Variants in MAPRE2 observed in about 807,000 individuals in gnomAD.
MAPRE2 encodes microtubule-associated protein RP/EB family member 2.
Under a neutral mutation model 43.2 loss-of-function variants are expected in MAPRE2, and 13 were observed. The ratio of observed to expected loss-of-function variants is 0.30; its 90% CI spans 0.20 to 0.48. MAPRE2 has a LOEUF of 0.48. MAPRE2 is among the 20% of genes least tolerant of loss of function. The pLI is 0.99. For synonymous variants in MAPRE2, 135 were observed against 148.8 expected (o/e 0.91, Z 0.68); for missense variants, 161 against 400.2 (o/e 0.40, Z 5.10).
At chr18:35,034,119 A>C (rs2097049252) in intron 2 of MAPRE2, among the ~76,000 whole-genome samples, 2 of 152,128 alleles carry the variant, frequency 1.3e-5, no homozygotes, top group Non-Finnish European at 2.9e-5. Flanking sequence ...ACTATACTAC[A>C]AGGCTACAGT....
intron 3 of MAPRE2, 81 bp downstream of exon 3, chr18:35,097,672 T>TAC: frequency 7.9e-7 from 1 of 1,267,494 alleles, no homozygotes; most frequent in Non-Finnish European, 1.1e-6. Context: ...TCCAGGAGCA[T>TAC]ACCAATGGGA....
At chr18:34,990,652 T>C (rs2097023295) in intron 1 of MAPRE2, among the ~76,000 whole-genome samples, 1 of 152,154 alleles carries the variant, frequency 6.6e-6, no homozygotes, top group Non-Finnish European at 1.5e-5. Flanking sequence ...CCTAGGGAAT[T>C]TTTTTAGATG....
chr18:35,002,312 T>G (rs2097029755), intron 1 of MAPRE2, among the ~76,000 whole-genome samples: 1 of 152,240 alleles, frequency 6.6e-6, no homozygotes, highest in African/African-American at 2.4e-5. Context: ...GAAGTTTGGA[T>G]GCAGCACGGT....
chr18:35,130,947 C>G (rs1428465201), intron 5 of MAPRE2, among the ~76,000 whole-genome samples: 1 of 152,158 alleles, frequency 6.6e-6, no homozygotes, highest in Non-Finnish European at 1.5e-5. Context: ...CCCTGAGAAG[C>G]TGCACAACCC....
At chr18:35,018,691 T>C (rs914177279) in intron 2 of MAPRE2, among the ~76,000 whole-genome samples, 11 of 151,918 alleles carry the variant, frequency 7.2e-5, no homozygotes, top group Non-Finnish European at 1.6e-4. Context: ...TCACTTCCAA[T>C]TGTACTTATT....
intron 4 of MAPRE2, among the ~76,000 whole-genome samples, chr18:35,126,307 A>G (rs1279537537): frequency 6.6e-6 from 1 of 152,170 alleles, no homozygotes; most frequent in African/African-American, 2.4e-5. Context: ...ATCCTGGAGC[A>G]CCTCCTTGCT....
intron 1 of MAPRE2, among the ~76,000 whole-genome samples, chr18:34,982,999 T>A (rs959458440): frequency 2.6e-5 from 4 of 152,238 alleles, no homozygotes; most frequent in Non-Finnish European, 5.9e-5. Context: ...TGTCTATGGC[T>A]GTGGCAGCAT....
chr18:35,112,458 A>C (rs1272909932), intron 4 of MAPRE2, among the ~76,000 whole-genome samples: 1 of 152,154 alleles, frequency 6.6e-6, no homozygotes, highest in African/African-American at 2.4e-5. Context: ...GGCGTGAGCT[A>C]CCACACCCGG....
chr18:35,018,271 T>C (rs273354), intron 2 of MAPRE2, among the ~76,000 whole-genome samples: 78,092 of 151,666 alleles, frequency 0.51, 22,616 homozygotes, highest in East Asian at 0.71. Flanking sequence ...TGTAGTTTTC[T>C]TTTTTTGTTG....
At chr18:35,122,014 T>G (rs1259072852) in intron 4 of MAPRE2, among the ~76,000 whole-genome samples, 1 of 152,002 alleles carries the variant, frequency 6.6e-6, no homozygotes, top group Non-Finnish European at 1.5e-5. Flanking sequence ...AATTTTAGAG[T>G]GTGGTTGTTA....
At chr18:34,981,887 A>ATTTTT (rs1261290510) in intron 1 of MAPRE2, among the ~76,000 whole-genome samples, 3 of 34,782 alleles carry the variant, frequency 8.6e-5, no homozygotes, top group African/African-American at 1.8e-4. Context: ...ATTTTTATTT[A>ATTTTT]TTTTTTTTTT....
chr18:35,000,247 TGA>T (rs2150578400), intron 1 of MAPRE2, among the ~76,000 whole-genome samples: 1 of 152,296 alleles, frequency 6.6e-6, no homozygotes, highest in African/African-American at 2.4e-5. Context: ...GGAAAAGCTG[TGA>T]ACAGCTGGGG....
intron 2 of MAPRE2, among the ~76,000 whole-genome samples, chr18:35,085,015 A>G (rs936968260): frequency 1.1e-4 from 17 of 152,232 alleles, no homozygotes; most frequent in African/African-American, 3.6e-4. Context: ...AAGGATGCCT[A>G]TGAAAACAAC....
chr18:35,030,631 G>C (rs2097047393), intron 2 of MAPRE2, among the ~76,000 whole-genome samples: 1 of 152,136 alleles, frequency 6.6e-6, no homozygotes, highest in African/African-American at 2.4e-5. Flanking sequence ...TCAAATATTA[G>C]GTGTTGCTAT....
At chr18:35,010,675 T>C (rs1253489213) in intron 2 of MAPRE2, among the ~76,000 whole-genome samples, 1 of 152,186 alleles carries the variant, frequency 6.6e-6, no homozygotes, top group Admixed American at 6.5e-5. Context: ...ACGTTCTCAT[T>C]TCTGAGTTTT....
At position 35,097,718 on chromosome 18, in the gene MAPRE2, T is replaced by A. The variant is rs1908492733; in HGVS notation, c.396+127T>A. 1.8e-5 allele frequency: 13 copies of A among 732,638 alleles called. 1 individual carries two copies. The South Asian group carries it at 2.5e-4, about 14-fold the overall frequency. 45.4% of individuals were successfully genotyped at this position (732,638 alleles called of 1,614,324 possible). The stretch of plus-strand genomic sequence containing the variant: ...TATCCCAACAGTAGGCTGGGGTCTG[T>A]ACCTAGCATAAAGCATCACCCTAAG... On this transcript the variant is annotated intron_variant, in intron 3 of 6. Coordinates refer to ENST00000300249, the MANE Select transcript of MAPRE2 (RefSeq NM_014268.4).
chr18:35,057,535 C>T (rs1401916330), intron 1 of MAPRE2, among the ~76,000 whole-genome samples: 3 of 90,850 alleles, frequency 3.3e-5, no homozygotes, highest in African/African-American at 1.6e-4. Flanking sequence ...TGTGTGTAAA[C>T]TGATATTTGT....
Position 35,041,438 on chromosome 18 carries a change from C to A in MAPRE2, c.-102C>A. Reference sequence around the variant, plus strand: ...GAGAAGGCAGTGAGCGAGCAGGCGGCAGGCACGGTCCGTGCGGAGCAGGCG... The same window carrying A: ...GAGAAGGCAGTGAGCGAGCAGGCGGAAGGCACGGTCCGTGCGGAGCAGGCG... On this transcript the variant is annotated 5_prime_UTR_variant, in exon 1 of 7. Coordinates refer to ENST00000300249, the MANE Select transcript of MAPRE2 (RefSeq NM_014268.4). The A allele has an allele frequency of 1.3e-6, 2 of 1,583,958 alleles. No homozygotes were observed. Among genetic ancestry groups the A allele is most frequent in the Non-Finnish European group, 1.7e-6 (2 of 1,164,300 alleles).
rs78911837 is a variant in MAPRE2 at position 35,124,913 on chromosome 18, A to G, written c.611-2035A>G. Reference sequence around the variant, plus strand: ...CGGGACATGGAAGTAGTGTTCCAGGAGTGTTTTATATGGGCTTCAACAGAG... The same window carrying G: ...CGGGACATGGAAGTAGTGTTCCAGGGGTGTTTTATATGGGCTTCAACAGAG... On this transcript the variant is annotated intron_variant, in intron 4 of 6. Coordinates refer to ENST00000300249, the MANE Select transcript of MAPRE2 (RefSeq NM_014268.4). 5.8e-3 allele frequency among the ~76,000 whole-genome samples: 879 copies of G among 152,190 alleles called. 7 individuals carry two copies. Among genetic ancestry groups the G allele is most frequent in the African/African-American group, 0.02 (846 of 41,536 alleles).
Sources: allele counts gnomAD v4.1 joint callset (sites outside exome capture counted in the v4.1 genomes callset), GRCh38; gene constraint gnomAD v4.1.1; transcripts MANE v1.5; gene names NCBI Gene and HGNC (gene_info 2026-07-23, HGNC 2026-07-21).